The following OXTR variants were observed in gnomAD, a reference collection of about 807,000 sequenced individuals.
OXTR encodes the protein oxytocin receptor.
In OXTR, 19 loss-of-function variants were observed where a neutral mutation model predicts 23.9. The observed-to-expected ratio is 0.80, with a 90% CI of 0.56 to 1.17. OXTR has a LOEUF of 1.17. Among genes scored for constraint, OXTR ranks in the 50% most tolerant of loss-of-function variants. OXTR has a pLI of 0.00. For synonymous variants in OXTR, 278 were observed against 250.5 expected (o/e 1.11, Z -1.04); for missense variants, 500 against 550.7 (o/e 0.91, Z 0.92).
the OXTR span, among the ~76,000 whole-genome samples, chr3:8,745,260 G>A: frequency 3.3e-5 from 5 of 152,042 alleles, no homozygotes; most frequent in Admixed American, 2.0e-4. This position sits in a 1 kb window ranked among gnomAD's most constrained non-coding sequence, Gnocchi z 4.8. Flanking sequence ...AGCTCCCTGC[G>A]GCCTCACCTG....
At chr3:8,767,151 C>G in intron 3 of OXTR, 115 bp downstream of exon 3, 1 of 1,077,618 alleles carries the variant, frequency 9.3e-7, no homozygotes, top group Non-Finnish European at 1.3e-6. Flanking sequence ...TGTGGGATTT[C>G]AAACCCGCTT....
chr3:8,754,632 A>C lies in OXTR; in HGVS notation c.923-1408T>G, dbSNP rs565060366. On this transcript the variant is annotated intron_variant, in intron 3 of 3. Coordinates refer to ENST00000316793, the MANE Select transcript of OXTR (RefSeq NM_000916.4). The stretch of plus-strand genomic sequence containing the variant: ...ATGTTTGTCAGCGAAGTCTTCAAGC[A>C]CCAAGGGAAGAAAGGCAGTTGGTTG... Among the ~76,000 whole-genome samples, 3 of 152,332 alleles carry C rather than the reference A, an allele frequency of 2.0e-5. No individual in the cohort carries two copies. In the South Asian group the frequency reaches 6.2e-4, roughly 32 times the overall value.
Position 8,751,035 on chromosome 3 carries a change from C to T in OXTR, c.*1942G>A, listed in dbSNP as rs1460688494. ...TCTACCAGTTTCTCTACATCCTCAC[C>T]GACACTCGTTCTTGTCCATCTTTTT... is the stretch of plus-strand genomic sequence containing the variant. On this transcript the variant is annotated 3_prime_UTR_variant, in exon 4 of 4. Transcript: ENST00000316793. 3 of 152,090 alleles carry T rather than the reference C, an allele frequency of 2.0e-5. No individual in the cohort carries two copies. Among genetic ancestry groups the T allele is most frequent in the South Asian group, 2.1e-4 (1 of 4,816 alleles). The allele number at this position is 152,090 out of a possible 1,614,324, so 9.4% of individuals were successfully genotyped here.
chr3:8,767,543 C>G lies in OXTR; in HGVS notation c.645G>C (p.Val215=), dbSNP rs1161228074. ...TGATAAGGCCGTAGCAGGCAGCGAG[C>G]ACGATGACCGGCACGATGTAGACAG... ...TLAVYIVPVI[V]LAACYGLISF... is the part of the protein sequence containing the mutation. The change falls in exon 3 of 4, where the codon GTG becomes GTC. Residue 215 remains valine (V), a synonymous_variant. Coordinates refer to ENST00000316793, the MANE Select transcript of OXTR (RefSeq NM_000916.4). 1.2e-6 allele frequency: 2 copies of G among 1,613,254 alleles called. No individual in the cohort carries two copies. The highest frequency in any genetic ancestry group is 1.7e-5 in the Admixed American group (1 of 60,000).
At chr3:8,758,091 C>A (rs1473338613) in intron 3 of OXTR, among the ~76,000 whole-genome samples, 1 of 152,108 alleles carries the variant, frequency 6.6e-6, no homozygotes, top group East Asian at 1.9e-4. Flanking sequence ...CAAACGCCAA[C>A]ATCCCCTGCT....
intron 3 of OXTR, among the ~76,000 whole-genome samples, chr3:8,757,865 T>C (rs1173719381): frequency 6.6e-6 from 1 of 152,128 alleles, no homozygotes; most frequent in Non-Finnish European, 1.5e-5. Context: ...TGCCATGCAC[T>C]GAGTAGGTGC....
At position 8,751,652 on chromosome 3, in the gene OXTR, A is replaced by C. The variant is rs201038448; in HGVS notation, c.*1325T>G. 1.3e-5 allele frequency: 2 copies of C among 151,666 alleles called. No homozygotes were observed. 9.4% of individuals were successfully genotyped at this position (151,666 alleles called of 1,614,324 possible). ...GAAAAGACTCTCCTTTCTCTATTGA[A>C]TTGTCTTGGGAACCTTGTCAAAAAT... On this transcript the variant is annotated 3_prime_UTR_variant, in exon 4 of 4. Transcript: ENST00000316793.
Position 8,753,187 on chromosome 3 carries a change from G to A in OXTR, c.960C>T (p.Leu320=), listed in dbSNP as rs766337518. 2 of 1,614,156 alleles carry A rather than the reference G, an allele frequency of 1.2e-6. No individual in the cohort carries two copies. The highest frequency in any genetic ancestry group is 2.2e-5 in the South Asian group (2 of 91,074). The change falls in exon 4 of 4, where the codon CTC becomes CTT. Residue 320 remains leucine (L), a synonymous_variant. Transcript: ENST00000316793. ...AFIIVMLLAS[L]NSCCNPWIYM... ...AGATCCAGGGGTTGCAGCAGCTGTTGAGGCTGGCCAGGAGCATGACGATGA... is the reference window on the plus strand; with the variant it reads ...AGATCCAGGGGTTGCAGCAGCTGTTAAGGCTGGCCAGGAGCATGACGATGA...
chr3:8,760,531 C>G (rs1708462510), intron 3 of OXTR, among the ~76,000 whole-genome samples: 1 of 152,142 alleles, frequency 6.6e-6, no homozygotes, highest in Non-Finnish European at 1.5e-5. Flanking sequence ...AGGAAGAAGC[C>G]CCGCAAACTG....
intron 3 of OXTR, among the ~76,000 whole-genome samples, chr3:8,761,076 C>T (rs537768653): frequency 3.3e-5 from 5 of 152,286 alleles, no homozygotes; most frequent in Admixed American, 6.5e-5. Context: ...TCCTACCATG[C>T]ACAGAACAGC....
Position 8,767,250 on chromosome 3 carries a change from T to A in OXTR, c.922+16A>T. On this transcript the variant is annotated intron_variant, in intron 3 of 3. Coordinates refer to ENST00000316793, the MANE Select transcript of OXTR (RefSeq NM_000916.4). The stretch of plus-strand genomic sequence containing the variant: ...CCACCAGGCTCCCTCCTCCTGGGTC[T>A]CCCAGCCCTGGCTACCTTCCTTGGG... 1 of 1,520,038 alleles carries A rather than the reference T, an allele frequency of 6.6e-7. No homozygotes were observed. Among genetic ancestry groups the A allele is most frequent in the South Asian group, 1.3e-5 (1 of 75,516 alleles). The allele number at this position is 1,520,038 out of a possible 1,614,324, so 94.2% of individuals were successfully genotyped here. A position where few individuals can be genotyped will look rare whatever the true frequency, so the allele number is the denominator to read the frequency against.
chr3:8,742,535 A>C, the OXTR span: 1 of 455,082 alleles, frequency 2.2e-6, no homozygotes, highest in Non-Finnish European at 4.4e-6. Context: ...ATAACTAAGT[A>C]GGCTGGAGAA....
At chr3:8,761,330 T>A (rs1708481182) in intron 3 of OXTR, among the ~76,000 whole-genome samples, 1 of 151,540 alleles carries the variant, frequency 6.6e-6, no homozygotes, top group South Asian at 2.1e-4. Context: ...TGTACCTCGG[T>A]GTGTGTGTGT....
chr3:8,744,835 A>G, the OXTR span: 1 of 152,486 alleles, frequency 6.6e-6, no homozygotes, highest in African/African-American at 2.4e-5. Flanking sequence ...TGTTGGCTTT[A>G]AGCAAGTCGC....
At chr3:8,742,770 A>G in the OXTR span, among the ~76,000 whole-genome samples, 1 of 152,228 alleles carries the variant, frequency 6.6e-6, no homozygotes, top group Non-Finnish European at 1.5e-5. Flanking sequence ...ATGGATGGAT[A>G]GATGGATGAT....
In OXTR at chr3:8,767,471, C is replaced by A. The variant is rs199506138; in HGVS notation, c.717G>T (p.Ala239=). ...QNLRLKTAAA[A]AAEAPEGAAA... ...CCGCGCCCTCTGGCGCCTCGGCCGC[C>A]GCCGCTGCAGCGGTCTTGAGCCGCA... Residue 239 remains alanine, a synonymous_variant, in exon 3 of 4, where the codon GCG becomes GCT. Coordinates refer to ENST00000316793, the MANE Select transcript of OXTR (RefSeq NM_000916.4). 7 of 1,602,026 alleles carry A rather than the reference C, an allele frequency of 4.4e-6. No homozygotes were observed. In the Admixed American group the frequency reaches 6.9e-5, roughly 16 times the overall value.
At position 8,768,147 on chromosome 3, in the gene OXTR, G is replaced by A. The variant is rs924822059; in HGVS notation, c.41C>T (p.Ala14Val). 1 of 1,337,954 alleles carries A rather than the reference G, an allele frequency of 7.5e-7. No individual in the cohort carries two copies. The highest frequency in any genetic ancestry group is 9.5e-7 in the Non-Finnish European group (1 of 1,053,076). 82.9% of individuals were successfully genotyped at this position (1,337,954 alleles called of 1,614,324 possible). A position where few individuals can be genotyped will look rare whatever the true frequency, so the allele number is the denominator to read the frequency against. Residue 14 changes from alanine (A) to valine (V), a missense_variant, in exon 3 of 4, where the codon GCC becomes GTC. Transcript: ENST00000316793. This position sits in a 1 kb window ranked among gnomAD's most constrained non-coding sequence, Gnocchi z 5.4. ...ALAANWSAEA[A>V]NASAAPPGAE... ...CCCCGGCGGCGCGGCGCTGGCGTTG[G>A]CTGCCTCGGCGCTCCAGTTGGCTGC...
At chr3:8,748,835 G>A (rs905712983), downstream of OXTR, among the ~76,000 whole-genome samples, 2 of 152,184 alleles carry the variant, frequency 1.3e-5, no homozygotes, top group Non-Finnish European at 2.9e-5. Context: ...TACATTTCCT[G>A]AAGTGGCAAC....
chr3:8,766,616 C>T (rs1708613827), intron 3 of OXTR, among the ~76,000 whole-genome samples: 1 of 152,164 alleles, frequency 6.6e-6, no homozygotes, highest in Admixed American at 6.5e-5. Context: ...GCAGTACTCA[C>T]CTCTCTGCAT....
Sources: allele counts gnomAD v4.1 joint callset (sites outside exome capture counted in the v4.1 genomes callset), GRCh38; gene constraint gnomAD v4.1.1; non-coding constraint Gnocchi (gnomAD v3.1); transcripts MANE v1.5; gene names NCBI Gene and HGNC (gene_info 2026-07-23, HGNC 2026-07-21).